RAB11A: variants seen among roughly 807,000 people sequenced by gnomAD.
RAB11A encodes RAB11A, member RAS oncogene family.
Under a neutral mutation model 28.0 loss-of-function variants are expected in RAB11A, and 9 were observed. That is an observed-to-expected ratio of 0.32 (90% CI 0.19 to 0.56). The LOEUF (loss-of-function observed/expected upper bound fraction) is 0.56. Among genes scored for constraint, RAB11A ranks in the 20% least tolerant of loss-of-function variants. The pLI is 0.91. For synonymous variants in RAB11A, 85 were observed against 88.2 expected (o/e 0.96, Z 0.20); for missense variants, 108 against 269.6 (o/e 0.40, Z 4.20).
At position 65,877,653 on chromosome 15, in the gene RAB11A, AATTT is replaced by A. The variant is rs1489140226; in HGVS notation, c.237-102_237-99del. The A allele has an allele frequency of 6.7e-6, 9 of 1,333,902 alleles. No individual in the cohort carries two copies. The South Asian group carries it at 7.6e-5, about 11-fold the overall frequency. The allele number at this position is 1,333,902 out of a possible 1,614,324, so 82.6% of individuals were successfully genotyped here. On this transcript the variant is annotated intron_variant, in intron 2 of 4. Transcript: ENST00000261890. This position sits in a 1 kb window ranked among gnomAD's most constrained non-coding sequence, Gnocchi z 4.1. Reference sequence around the variant, plus strand: ...AATTCTAGTATTAGGAATCCTTAGAAATTTATTTATAAGTATGTTTTTAAAACTC... The same window carrying A: ...AATTCTAGTATTAGGAATCCTTAGAAATTTATAAGTATGTTTTTAAAACTC...
chr15:65,878,047 A>AGAG, intron 3 of RAB11A, 92 bp downstream of exon 3: 1 of 1,231,118 alleles, frequency 8.1e-7, no homozygotes, highest in Non-Finnish European at 1.2e-6. Flanking sequence ...ATAGTTTCAG[A>AGAG]GAGGTAAACA....
intron 4 of RAB11A, among the ~76,000 whole-genome samples, chr15:65,885,425 C>T (rs1385680084): frequency 1.3e-5 from 2 of 151,984 alleles, no homozygotes; most frequent in Non-Finnish European, 2.9e-5. Flanking sequence ...CTCGCTTGGC[C>T]CATTTATACA....
In RAB11A at chr15:65,877,246, A is replaced by T; in HGVS notation, c.41-86A>T. On this transcript the variant is annotated intron_variant, in intron 1 of 4. Coordinates refer to ENST00000261890, the MANE Select transcript of RAB11A (RefSeq NM_004663.5). This position sits in a 1 kb window ranked among gnomAD's most constrained non-coding sequence, Gnocchi z 4.1. Reference sequence around the variant, plus strand: ...ATTTTTCTTGCTTTATTTACTCTGAAGCCAAACTTCATTCTGTTGAAAGCA... The same window carrying T: ...ATTTTTCTTGCTTTATTTACTCTGATGCCAAACTTCATTCTGTTGAAAGCA... The T allele has an allele frequency of 8.5e-7, 1 of 1,174,068 alleles. No homozygotes were observed. The highest frequency in any genetic ancestry group is 1.6e-5 in the South Asian group (1 of 63,656). 72.7% of individuals were successfully genotyped at this position (1,174,068 alleles called of 1,614,324 possible).
intron 1 of RAB11A, among the ~76,000 whole-genome samples, chr15:65,874,894 A>G (rs1439177270): frequency 6.6e-6 from 1 of 152,030 alleles, no homozygotes; most frequent in African/African-American, 2.4e-5. Flanking sequence ...AGAAAATACA[A>G]AAAATTAGCT....
chr15:65,880,646 A>G (rs573914067), intron 4 of RAB11A, among the ~76,000 whole-genome samples: 167 of 152,298 alleles, frequency 1.1e-3, no homozygotes, highest in African/African-American at 3.6e-3. Flanking sequence ...TAACTTTAAC[A>G]TGTTATCTTC....
Position 65,869,524 on chromosome 15 carries a change from C to T in RAB11A, c.-62C>T, listed in dbSNP as rs976662327. 6.3e-6 allele frequency: 10 copies of T among 1,585,180 alleles called. No individual in the cohort carries two copies. The highest frequency in any genetic ancestry group is 8.6e-6 in the Non-Finnish European group (10 of 1,166,968). On this transcript the variant is annotated 5_prime_UTR_variant, in exon 1 of 5. Transcript: ENST00000261890. ...CTCGGCGCTCGGGTTACCCCTGCAG[C>T]GACGCCCCCTGGTCCCACAGATACC...
Position 65,877,978 on chromosome 15 carries a change from T to C in RAB11A, c.430+23T>C, listed in dbSNP as rs2078199281. 1.9e-6 allele frequency: 3 copies of C among 1,587,500 alleles called. No individual in the cohort carries two copies. The highest frequency in any genetic ancestry group is 1.3e-5 in the African/African-American group (1 of 74,288). Reference sequence around the variant, plus strand: ...CAGGTTAGTGATAGGAATTCCATGATATTTCTTACCATTGTGTCTTGTGGT... The same window carrying C: ...CAGGTTAGTGATAGGAATTCCATGACATTTCTTACCATTGTGTCTTGTGGT... On this transcript the variant is annotated intron_variant, in intron 3 of 4. Transcript: ENST00000261890. The surrounding 1 kb of genome is among the most constrained non-coding windows in gnomAD (Gnocchi z 4.1).
At chr15:65,879,784 G>A (rs569716621) in intron 4 of RAB11A, 33 bp downstream of exon 4, 1 of 1,457,970 alleles carries the variant, frequency 6.9e-7, no homozygotes, top group African/African-American at 1.4e-5. Flanking sequence ...ACACCAGTAG[G>A]ACTAGAAGTT....
At chr15:65,882,776 C>T (rs1485404939) in intron 4 of RAB11A, among the ~76,000 whole-genome samples, 1 of 152,020 alleles carries the variant, frequency 6.6e-6, no homozygotes, top group South Asian at 2.1e-4. Flanking sequence ...TAGATTGCTC[C>T]GCCTCTGAAT....
At chr15:65,869,719 AT>A (rs1423467642) in intron 1 of RAB11A, 94 bp downstream of exon 1, 20 of 1,310,690 alleles carry the variant, frequency 1.5e-5, no homozygotes, top group African/African-American at 2.9e-5. Flanking sequence ...CTGCACTGAT[AT>A]AGGCCTCCCT....
At chr15:65,879,801 A>G (rs907926094) in intron 4 of RAB11A, 50 bp downstream of exon 4, 4 of 1,386,502 alleles carry the variant, frequency 2.9e-6, no homozygotes, top group Non-Finnish European at 4.0e-6. Context: ...AGTTTTAGGA[A>G]GGTAATTTAA....
intron 4 of RAB11A, among the ~76,000 whole-genome samples, chr15:65,881,808 G>A (rs1255479817): frequency 1.4e-5 from 2 of 147,268 alleles, no homozygotes; most frequent in African/African-American, 5.0e-5. Flanking sequence ...CAACACAGAT[G>A]TCTGCTGCCA....
chr15:65,872,418 C>T (rs1430889072), intron 1 of RAB11A, among the ~76,000 whole-genome samples: 1 of 149,848 alleles, frequency 6.7e-6, no homozygotes, highest in East Asian at 1.9e-4. Flanking sequence ...AAAAATTCTG[C>T]TAAGGAGGAT....
chr15:65,877,940 G>A lies in RAB11A; in HGVS notation c.415G>A (p.Ala139Thr). The A allele has an allele frequency of 1.9e-6, 3 of 1,613,420 alleles. No homozygotes were observed. The highest frequency in any genetic ancestry group is 2.5e-6 in the Non-Finnish European group (3 of 1,179,458). Reference sequence around the variant, plus strand: ...TCTCAGGGCAGTTCCTACAGATGAAGCAAGAGCTTTTGCAGGTTAGTGATA... The same window carrying A: ...TCTCAGGGCAGTTCCTACAGATGAAACAAGAGCTTTTGCAGGTTAGTGATA... ...RHLRAVPTDEARAFAEKNGLS... is the reference protein window; with the variant it reads ...RHLRAVPTDETRAFAEKNGLS... The change falls in exon 3 of 5, where the codon GCA becomes ACA. Residue 139 changes from alanine (A) to threonine (T), a missense_variant. Transcript: ENST00000261890. The surrounding 1 kb of genome is among the most constrained non-coding windows in gnomAD (Gnocchi z 4.1).
rs1395809741 is a variant in RAB11A, at chr15:65,891,448, C to T, written c.*3608C>T. On this transcript the variant is annotated 3_prime_UTR_variant, in exon 5 of 5. Transcript: ENST00000261890. Reference sequence around the variant, plus strand: ...CTGTGGGTTAGAAGAGTGAAAGTAGCTGGTATGATAGAGCACTGGACTGAG... The same window carrying T: ...CTGTGGGTTAGAAGAGTGAAAGTAGTTGGTATGATAGAGCACTGGACTGAG... 1 of 152,158 alleles carries T rather than the reference C, an allele frequency of 6.6e-6. No individual in the cohort carries two copies. The highest frequency in any genetic ancestry group is 1.5e-5 in the Non-Finnish European group (1 of 68,034). The allele number at this position is 152,158 out of a possible 1,614,324, so 9.4% of individuals were successfully genotyped here.
chr15:65,881,879 A>T (rs2078224983), intron 4 of RAB11A, among the ~76,000 whole-genome samples: 2 of 82,986 alleles, frequency 2.4e-5, no homozygotes, highest in African/African-American at 1.5e-4. Flanking sequence ...CCTGTCTCTA[A>T]AAAAAAAAAA....
chr15:65,875,199 A>G lies in RAB11A; in HGVS notation c.41-2133A>G, dbSNP rs181791026. Among the ~76,000 whole-genome samples the G allele has an allele frequency of 1.2e-3, 179 of 152,260 alleles. 2 individuals carry two copies. Among genetic ancestry groups the G allele is most frequent in the African/African-American group, 4.2e-3 (175 of 41,536 alleles). On this transcript the variant is annotated intron_variant, in intron 1 of 4. Coordinates refer to ENST00000261890, the MANE Select transcript of RAB11A (RefSeq NM_004663.5). ...GCCATTTGCCCACCTCAGCCTCCTG[A>G]GTAGTTGGGACTACAGGCATGCACC...
Position 65,877,076 on chromosome 15 carries a change from G to A in RAB11A, c.41-256G>A, listed in dbSNP as rs188095011. Reference sequence around the variant, plus strand: ...AACTGCATGTTTAAGACAGGGTACCGTATCTGTGCTAAGCAGATGATATGT... The same window carrying A: ...AACTGCATGTTTAAGACAGGGTACCATATCTGTGCTAAGCAGATGATATGT... On this transcript the variant is annotated intron_variant, in intron 1 of 4. Transcript: ENST00000261890. The surrounding 1 kb of genome is among the most constrained non-coding windows in gnomAD (Gnocchi z 4.1). 1.3e-5 allele frequency among the ~76,000 whole-genome samples: 2 copies of A among 152,350 alleles called. No individual in the cohort carries two copies. The highest frequency in any genetic ancestry group is 6.5e-5 in the Admixed American group (1 of 15,308).
chr15:65,880,926 C>T (rs1457517507), intron 4 of RAB11A, among the ~76,000 whole-genome samples: 1 of 152,046 alleles, frequency 6.6e-6, no homozygotes, highest in Non-Finnish European at 1.5e-5. Context: ...GTCTCAGTAA[C>T]CCTTAGCAAA....
Sources: gnomAD v4.1 joint callset for allele counts (sites outside exome capture counted in the v4.1 genomes callset) on GRCh38, gnomAD v4.1.1 for gene constraint, Gnocchi (gnomAD v3.1) non-coding constraint, MANE v1.5 for transcripts, NCBI Gene and HGNC (gene_info 2026-07-23, HGNC 2026-07-21) for gene names.